Variants in FGG observed in about 807,000 individuals in gnomAD.
FGG encodes fibrinogen, gamma polypeptide.
In FGG, 20 loss-of-function variants were observed where a neutral mutation model predicts 51.7. The observed-to-expected ratio is 0.39, with a 90% CI of 0.27 to 0.56. The LOEUF is 0.56. Ranked by LOEUF, FGG falls within the 20% of genes least tolerant of loss-of-function variation. The probability of loss-of-function intolerance (pLI) is 0.64; values close to 1 mark genes in which losing one functional copy is unlikely to be tolerated. For missense variants in FGG, 460 were observed against 534.2 expected (o/e 0.86, Z 1.37); for synonymous variants, 184 against 184.7 (o/e 1.00, Z 0.03).
intron 8 of FGG, among the ~76,000 whole-genome samples, 184 bp downstream of exon 8, chr4:154,606,521 A>G (rs963237628): frequency 6.6e-5 from 10 of 152,208 alleles, no homozygotes; most frequent in African/African-American, 2.4e-4. Context: ...TAGAAGGGCT[A>G]ATTTTAGGCA....
At chr4:154,609,574 A>G (rs1415162032) in intron 6 of FGG, 56 bp downstream of exon 6, 1 of 1,603,586 alleles carries the variant, frequency 6.2e-7, no homozygotes, top group Non-Finnish European at 8.5e-7. Context: ...AGTATCTGCC[A>G]TATGGCAGAA....
intron 8 of FGG, 98 bp from the exon 9 acceptor site, chr4:154,605,164 C>A (rs909451460): frequency 1.6e-6 from 2 of 1,257,410 alleles, no homozygotes; most frequent in African/African-American, 3.0e-5. Flanking sequence ...TTGCCAGTTA[C>A]ATAAAATTTA....
At chr4:154,609,311 T>C (rs1391979999) in intron 6 of FGG, among the ~76,000 whole-genome samples, 1 of 152,156 alleles carries the variant, frequency 6.6e-6, no homozygotes, top group Non-Finnish European at 1.5e-5. Flanking sequence ...GTCACTGTGG[T>C]ACTATGATTA....
At position 154,606,785 on chromosome 4, in the gene FGG, C is replaced by T; in HGVS notation, c.1049G>A (p.Gly350Asp). The change falls in exon 8 of 9, where the codon GGC becomes GAC. Residue 350 changes from glycine (G) to aspartate (D), a missense_variant. By Grantham distance (94) the Gly-to-Asp change is moderately conservative. Around this residue, in one of 3 missense-constraint regions of FGG, gnomAD observed 15 missense variants for 48.8 expected, o/e 0.31. Transcript: ENST00000336098. ...AGATCCATCCTGTTCAGCACAGTTG[C>T]CTTCAAACTTATCATTGTCATTGTC... ...TWDNDNDKFE[G>D]NCAEQDGSGW... is the part of the protein sequence containing the mutation. The T allele has an allele frequency of 6.2e-7, 1 of 1,613,986 alleles. No individual in the cohort carries two copies. Among genetic ancestry groups the T allele is most frequent in the South Asian group, 1.1e-5 (1 of 91,076 alleles).
In FGG at chr4:154,604,812, A is replaced by G. The variant is rs762664459; in HGVS notation, c.*22T>C. ...AGAATTTCTGAAACTTTGTGGGTCA[A>G]TAGAAGTTAGCAGTTAATTTTCTAC... On this transcript the variant is annotated 3_prime_UTR_variant, in exon 9 of 9. Coordinates refer to ENST00000336098, the MANE Select transcript of FGG (RefSeq NM_021870.3). 2.5e-6 allele frequency: 4 copies of G among 1,613,322 alleles called. No homozygotes were observed. Among genetic ancestry groups the G allele is most frequent in the South Asian group, 1.1e-5 (1 of 91,044 alleles).
chr4:154,609,361 A>G (rs1384393634), intron 6 of FGG, among the ~76,000 whole-genome samples: 4 of 152,168 alleles, frequency 2.6e-5, no homozygotes, highest in African/African-American at 9.6e-5. Flanking sequence ...CCAGTACAAT[A>G]TAGAGTCAAG....
In FGG at chr4:154,604,776, G is replaced by A; in HGVS notation, c.*58C>T. On this transcript the variant is annotated 3_prime_UTR_variant, in exon 9 of 9. Coordinates refer to ENST00000336098, the MANE Select transcript of FGG (RefSeq NM_021870.3). ...TAAATATAGTAAGAGAAAAAAGGAAGAAACTTTCAGAGAATTTCTGAAACT... is the reference window on the plus strand; with the variant it reads ...TAAATATAGTAAGAGAAAAAAGGAAAAAACTTTCAGAGAATTTCTGAAACT... The A allele has an allele frequency of 6.2e-7, 1 of 1,609,296 alleles. No homozygotes were observed. The highest frequency in any genetic ancestry group is 2.2e-5 in the East Asian group (1 of 44,870).
Position 154,609,725 on chromosome 4 carries a change from C to G in FGG, c.571G>C (p.Gly191Arg). Residue 191 changes from glycine (G) to arginine (R), a missense_variant, in exon 6 of 9, where the codon GGG (glycine) becomes CGG (arginine). Coordinates refer to ENST00000336098, the MANE Select transcript of FGG (RefSeq NM_021870.3). ...TTCAGAGGTTTAATAAAGTAAAGCC[C>G]GCTCTGTTTAGCTCCCTTATTGGCA... Reference protein sequence around the residue: ...DIANKGAKQSGLYFIKPLKAN... With the variant: ...DIANKGAKQSRLYFIKPLKAN... The G allele has an allele frequency of 6.2e-7, 1 of 1,613,902 alleles. No individual in the cohort carries two copies. The highest frequency in any genetic ancestry group is 8.5e-7 in the Non-Finnish European group (1 of 1,179,894).
At position 154,609,632 on chromosome 4, in the gene FGG, T is replaced by C. The variant is rs758757675; in HGVS notation, c.664A>G (p.Lys222Glu). 6.2e-7 allele frequency: 1 copy of C among 1,613,888 alleles called. No individual in the cohort carries two copies. The highest frequency in any genetic ancestry group is 8.5e-7 in the Non-Finnish European group (1 of 1,179,860). Residue 222 changes from lysine (K) to glutamate (E), a missense_variant and splice_region_variant, in exon 6 of 9, where the codon AAG (lysine) becomes GAG (glutamate). Coordinates refer to ENST00000336098, the MANE Select transcript of FGG (RefSeq NM_021870.3). ...GSGNGWTVFQ[K>E]RLDGSVDFKK... ...ACACATGGTGGGGAAAAAATTACCTTCTGAAACACAGTCCATCCATTTCCA... is the reference window on the plus strand; with the variant it reads ...ACACATGGTGGGGAAAAAATTACCTCCTGAAACACAGTCCATCCATTTCCA...
At position 154,604,291 on chromosome 4, in the gene FGG, T is replaced by C; in HGVS notation, c.*543A>G. 1 of 1,425,550 alleles carries C rather than the reference T, an allele frequency of 7.0e-7. No homozygotes were observed. The allele number at this position is 1,425,550 out of a possible 1,614,324, so 88.3% of individuals were successfully genotyped here. ...CAATAGGAAAAATATTATATCTCTCTGTTCAGATAAAGTCCTTTAAAAAAG... is the reference window on the plus strand; with the variant it reads ...CAATAGGAAAAATATTATATCTCTCCGTTCAGATAAAGTCCTTTAAAAAAG... On this transcript the variant is annotated 3_prime_UTR_variant, in exon 9 of 9. Transcript: ENST00000336098.
chr4:154,604,500 T>A lies in FGG; in HGVS notation c.*334A>T. ...AACTCTAAAATGTTCTCCTATTTTA[T>A]TAAGTACATACTAAAATATTTGATA... On this transcript the variant is annotated 3_prime_UTR_variant, in exon 9 of 9. Transcript: ENST00000336098. 9.2e-7 allele frequency: 1 copy of A among 1,091,422 alleles called. No individual in the cohort carries two copies. The highest frequency in any genetic ancestry group is 1.3e-6 in the Non-Finnish European group (1 of 795,130). 67.6% of individuals were successfully genotyped at this position (1,091,422 alleles called of 1,614,324 possible). A position where few individuals can be genotyped will look rare whatever the true frequency, so the allele number is the denominator to read the frequency against.
In FGG at chr4:154,608,542, T is replaced by A; in HGVS notation, c.775A>T (p.Ile259Phe). The A allele has an allele frequency of 6.2e-7, 1 of 1,613,766 alleles. No homozygotes were observed. The change falls in exon 7 of 9, where the codon ATT (isoleucine) becomes TTT (phenylalanine). Residue 259 changes from isoleucine (I) to phenylalanine (F), a missense_variant. Transcript: ENST00000336098. ...TTEFWLGNEKIHLISTQSAIP... is the reference protein window; with the variant it reads ...TTEFWLGNEKFHLISTQSAIP... Reference sequence around the variant, plus strand: ...GCAGACTGTGTGCTTATCAAATGAATCTTCTCATTTCCCAGCCAAAATTCT... The same window carrying A: ...GCAGACTGTGTGCTTATCAAATGAAACTTCTCATTTCCCAGCCAAAATTCT...
At chr4:154,612,498 A>AT in intron 1 of FGG, 34 bp downstream of exon 1, 2 of 1,613,890 alleles carry the variant, frequency 1.2e-6, no homozygotes, top group Non-Finnish European at 1.7e-6. Context: ...CCAGCTTTCC[A>AT]TTTTAAACAA....
Position 154,610,217 on chromosome 4 carries a change from A to G in FGG, c.402-20T>C. Reference sequence around the variant, plus strand: ...AAATATCTACAAACAGAAACATAAGATAACAAAAATAAGAAGACAAAAATA... The same window carrying G: ...AAATATCTACAAACAGAAACATAAGGTAACAAAAATAAGAAGACAAAAATA... On this transcript the variant is annotated intron_variant, in intron 4 of 8. Transcript: ENST00000336098. 1 of 1,531,378 alleles carries G rather than the reference A, an allele frequency of 6.5e-7. No homozygotes were observed. 94.9% of individuals were successfully genotyped at this position (1,531,378 alleles called of 1,614,324 possible). A position where few individuals can be genotyped will look rare whatever the true frequency, so the allele number is the denominator to read the frequency against.
At chr4:154,607,122 CA>C in intron 7 of FGG, 140 bp from the exon 8 acceptor site, 1 of 1,000,148 alleles carries the variant, frequency 1.0e-6, no homozygotes, top group Admixed American at 2.9e-5. Context: ...AAGTTTTTTG[CA>C]AATCTGGCAA....
chr4:154,610,129 A>C lies in FGG; in HGVS notation c.470T>G (p.Leu157Arg). 1 of 1,613,154 alleles carries C rather than the reference A, an allele frequency of 6.2e-7. No individual in the cohort carries two copies. Among genetic ancestry groups the C allele is most frequent in the Non-Finnish European group, 8.5e-7 (1 of 1,179,244 alleles). ...GCAAGGTTCCTGGCACTGTGCTTCA[A>C]GCTGGGCTACCTTCTCTTTCAGGTT... ...IVNLKEKVAQ[L>R]EAQCQEPCKD... The change falls in exon 5 of 9, where the codon CTT becomes CGT. Residue 157 changes from leucine to arginine, a missense_variant. Around this residue, in one of 3 missense-constraint regions of FGG, gnomAD observed 353 missense variants for 391.7 expected, o/e 0.90. Coordinates refer to ENST00000336098, the MANE Select transcript of FGG (RefSeq NM_021870.3).
Position 154,604,328 on chromosome 4 carries a change from T to C in FGG, c.*506A>G. 1 of 1,515,972 alleles carries C rather than the reference T, an allele frequency of 6.6e-7. No homozygotes were observed. The highest frequency in any genetic ancestry group is 8.8e-7 in the Non-Finnish European group (1 of 1,133,420). 93.9% of individuals were successfully genotyped at this position (1,515,972 alleles called of 1,614,324 possible). A position where few individuals can be genotyped will look rare whatever the true frequency, so the allele number is the denominator to read the frequency against. On this transcript the variant is annotated 3_prime_UTR_variant, in exon 9 of 9. Transcript: ENST00000336098. ...GTCCTTTAAAAAAGTAAATCTCTTTTGAAACGGTCTTTTAAACGTCTCCAG... is the reference window on the plus strand; with the variant it reads ...GTCCTTTAAAAAAGTAAATCTCTTTCGAAACGGTCTTTTAAACGTCTCCAG...
intron 7 of FGG, 132 bp from the exon 8 acceptor site, chr4:154,607,114 G>GT: frequency 8.7e-7 from 1 of 1,143,142 alleles, no homozygotes; most frequent in Non-Finnish European, 1.2e-6. Context: ...ATTGAGTGAA[G>GT]TTTTTTGCAA....
At chr4:154,609,492 G>T in intron 6 of FGG, 138 bp downstream of exon 6, 1 of 1,027,298 alleles carries the variant, frequency 9.7e-7, no homozygotes, top group South Asian at 1.4e-5. Flanking sequence ...GTAAATAGGA[G>T]TAACAGAAGT....
Sources: allele counts gnomAD v4.1 joint callset (sites outside exome capture counted in the v4.1 genomes callset), GRCh38; gene constraint gnomAD v4.1.1; regional missense constraint gnomAD v4.1.1; transcripts MANE v1.5; gene names NCBI Gene and HGNC (gene_info 2026-07-23, HGNC 2026-07-21).